ADAM19: variants seen among roughly 807,000 people sequenced by gnomAD.
The protein encoded by ADAM19 is disintegrin and metalloproteinase domain-containing protein 19.
ADAM19 carries 65 observed loss-of-function variants against 114.7 expected under a neutral mutation model. The ratio of observed to expected loss-of-function variants is 0.57; its 90% CI spans 0.46 to 0.70. ADAM19 has a LOEUF of 0.70. Among genes scored for constraint, ADAM19 ranks in the 30% least tolerant of loss-of-function variants. The probability of loss-of-function intolerance (pLI) is 0.00; values close to 1 mark genes in which losing one functional copy is unlikely to be tolerated. For synonymous variants in ADAM19, 466 were observed against 460.5 expected (o/e 1.01, Z -0.15); for missense variants, 1,063 against 1,204.7 (o/e 0.88, Z 1.74).
At chr5:157,518,582 C>A (rs1234246660) in intron 7 of ADAM19, among the ~76,000 whole-genome samples, 1 of 152,212 alleles carries the variant, frequency 6.6e-6, no homozygotes, top group Non-Finnish European at 1.5e-5. Context: ...TGGGGTTTCA[C>A]CATGTTGGCC....
At chr5:157,489,476 C>A (rs1261534925) in intron 19 of ADAM19, among the ~76,000 whole-genome samples, 1 of 152,198 alleles carries the variant, frequency 6.6e-6, no homozygotes, top group African/African-American at 2.4e-5. Flanking sequence ...ACAAGGGTGT[C>A]ACGAGCCATC....
chr5:157,488,332 G>C lies in ADAM19; in HGVS notation c.2483C>G (p.Thr828Arg). The C allele has an allele frequency of 6.2e-7, 1 of 1,614,198 alleles. No homozygotes were observed. Among genetic ancestry groups the C allele is most frequent in the Non-Finnish European group, 8.5e-7 (1 of 1,180,028 alleles). The change falls in exon 21 of 23, where the codon ACG becomes AGG. Residue 828 changes from threonine (T) to arginine (R), a missense_variant. By Grantham distance (71) the Thr-to-Arg change is moderately conservative. This residue lies in a region of ADAM19 where 424 missense variants were observed against 445.5 expected (regional missense o/e 0.95). Coordinates refer to ENST00000257527, the MANE Select transcript of ADAM19 (RefSeq NM_033274.5). ...TGGAGGAGGCCTCCTGGACGACTCC[G>C]TCCTCTCTATTTGAGACCCGGGCCC... is the stretch of plus-strand genomic sequence containing the variant. ...SPGPGSQIER[T>R]ESSRRPPPSR...
intron 1 of ADAM19, chr5:157,572,303 G>A (rs1196318699): frequency 2.2e-6 from 1 of 456,120 alleles, no homozygotes; most frequent in Non-Finnish European, 4.4e-6. Context: ...TTGCAAGAAA[G>A]AGAATTTAAA....
At chr5:157,486,390 C>A (rs568843621) in intron 21 of ADAM19, among the ~76,000 whole-genome samples, 1 of 152,150 alleles carries the variant, frequency 6.6e-6, no homozygotes, top group African/African-American at 2.4e-5. Context: ...ACCTGGGACC[C>A]GGGGCCCAGG....
intron 5 of ADAM19, among the ~76,000 whole-genome samples, chr5:157,527,366 A>G (rs1291870294): frequency 1.3e-5 from 2 of 152,080 alleles, no homozygotes; most frequent in African/African-American, 2.4e-5. Flanking sequence ...GCCCACCACC[A>G]CGCCTGACTA....
chr5:157,574,064 T>C (rs1328316991), intron 1 of ADAM19, among the ~76,000 whole-genome samples: 2 of 152,210 alleles, frequency 1.3e-5, no homozygotes, highest in African/African-American at 4.8e-5. Context: ...TGGAAAACGC[T>C]CATGGTGTGA....
intron 3 of ADAM19, among the ~76,000 whole-genome samples, chr5:157,560,162 G>A (rs1247178870): frequency 6.7e-6 from 1 of 149,872 alleles, no homozygotes; most frequent in East Asian, 1.9e-4. Context: ...CTACTTGGGA[G>A]GCTGAGGCAG....
chr5:157,575,314 G>A (rs1757942022), intron 1 of ADAM19, among the ~76,000 whole-genome samples: 1 of 152,230 alleles, frequency 6.6e-6, no homozygotes, highest in African/African-American at 2.4e-5. Context: ...ACGGCGGAAA[G>A]AGAAGCCAAA....
chr5:157,515,321 T>C (rs1484374306), intron 7 of ADAM19, among the ~76,000 whole-genome samples: 1 of 152,242 alleles, frequency 6.6e-6, no homozygotes, highest in Admixed American at 6.5e-5. Context: ...CAGGGCCAGA[T>C]TTCATTGTCT....
intron 19 of ADAM19, 78 bp downstream of exon 19, chr5:157,490,232 A>G: frequency 1.3e-6 from 2 of 1,541,520 alleles, no homozygotes; most frequent in Non-Finnish European, 1.8e-6. Context: ...TATCACCAAC[A>G]CTTTTGCTAA....
intron 3 of ADAM19, among the ~76,000 whole-genome samples, chr5:157,554,244 A>T (rs934816686): frequency 4.6e-5 from 7 of 152,218 alleles, no homozygotes; most frequent in African/African-American, 1.7e-4. Context: ...AGCTTCCCTT[A>T]GTTCGGATAA....
chr5:157,513,235 A>AT, intron 8 of ADAM19, among the ~76,000 whole-genome samples, 199 bp downstream of exon 8: 1 of 152,336 alleles, frequency 6.6e-6, no homozygotes, highest in African/African-American at 2.4e-5. Context: ...AGAAAAAAAA[A>AT]TGCAACACAA....
intron 3 of ADAM19, among the ~76,000 whole-genome samples, chr5:157,546,789 G>A (rs1452693296): frequency 6.6e-6 from 1 of 152,190 alleles, no homozygotes; most frequent in Admixed American, 6.5e-5. Context: ...GAGACACATG[G>A]GAGCCATGGA....
chr5:157,560,213 C>T (rs1011519014), intron 3 of ADAM19, among the ~76,000 whole-genome samples: 7 of 136,278 alleles, frequency 5.1e-5, no homozygotes, highest in Admixed American at 1.6e-4. Context: ...TGCAGTGAGC[C>T]GAGATCCCGC....
intron 2 of ADAM19, among the ~76,000 whole-genome samples, chr5:157,567,086 CTG>C (rs1265946050): frequency 6.6e-6 from 1 of 152,182 alleles, no homozygotes; most frequent in African/African-American, 2.4e-5. Flanking sequence ...AGTAGGTCAC[CTG>C]TTCTGCCACC....
chr5:157,550,586 T>C (rs1191024205), intron 3 of ADAM19, among the ~76,000 whole-genome samples: 1 of 152,072 alleles, frequency 6.6e-6, no homozygotes, highest in Non-Finnish European at 1.5e-5. Context: ...ATTATGGCGA[T>C]GGCTGCATGA....
chr5:157,539,675 G>A (rs1239439879), intron 3 of ADAM19, among the ~76,000 whole-genome samples: 1 of 152,218 alleles, frequency 6.6e-6, no homozygotes, highest in Non-Finnish European at 1.5e-5. Context: ...CATTCACATG[G>A]AAACTTTGGG....
chr5:157,509,730 G>C (rs904528373), intron 8 of ADAM19, among the ~76,000 whole-genome samples: 2 of 152,208 alleles, frequency 1.3e-5, no homozygotes, highest in Non-Finnish European at 2.9e-5. Flanking sequence ...TCCTGAGAGA[G>C]AGCAGGACAT....
chr5:157,570,690 A>C (rs1757794586), intron 2 of ADAM19: 2 of 500,184 alleles, frequency 4.0e-6, no homozygotes, highest in African/African-American at 1.9e-5. Context: ...CATTTCCTCA[A>C]CTAATAGCAT....
Sources: gnomAD v4.1 joint callset for allele counts (sites outside exome capture counted in the v4.1 genomes callset) on GRCh38, gnomAD v4.1.1 for gene constraint, gnomAD v4.1.1 regional missense constraint, MANE v1.5 for transcripts, NCBI Gene and HGNC (gene_info 2026-07-23, HGNC 2026-07-21) for gene names.